Variants in RTEL1 observed in about 807,000 individuals in gnomAD.
The protein encoded by RTEL1 is regulator of telomere elongation helicase 1.
In RTEL1, 86 loss-of-function variants were observed where a neutral mutation model predicts 162.2. That is an observed-to-expected ratio of 0.53 (90% confidence interval 0.45 to 0.63). RTEL1 has a LOEUF of 0.63. RTEL1 is among the 30% of genes least tolerant of loss of function. The pLI is 0.00. For synonymous variants in RTEL1, 958 were observed against 717.9 expected (o/e 1.33, Z -5.35); for missense variants, 1,941 against 1,750.2 (o/e 1.11, Z -1.95).
intron 28 of RTEL1, 69 bp from the exon 29 acceptor site, chr20:63,692,736 A>C: frequency 6.9e-7 from 1 of 1,453,014 alleles, no homozygotes; most frequent in Non-Finnish European, 9.5e-7. Flanking sequence ...GTTCCAAGGA[A>C]GGCTCTGCAG....
intron 22 of RTEL1, 93 bp from the exon 23 acceptor site, chr20:63,689,409 G>C: frequency 7.2e-7 from 1 of 1,397,176 alleles, no homozygotes; most frequent in African/African-American, 1.5e-5. Context: ...CCCTGGTTGG[G>C]GACGGAGCCT....
rs561033103 is a variant in RTEL1 at position 63,678,292 on chromosome 20, C to G, written c.983C>G (p.Ala328Gly). ...LKMILLRLEG[A>G]IDAVELPGDD... ...GTGATCCTGCTGCGCCTGGAGGGGG[C>G]CATCGATGCTGTTGAGCTGCCTGGA... Residue 328 changes from alanine to glycine, a missense_variant, in exon 12 of 35, where the codon GCC (alanine) becomes GGC (glycine). Transcript: ENST00000360203. 18 of 1,612,372 alleles carry G rather than the reference C, an allele frequency of 1.1e-5. No individual in the cohort carries two copies. The African/African-American group carries it at 1.5e-4, about 13-fold the overall frequency.
intron 21 of RTEL1, 41 bp from the exon 22 acceptor site, chr20:63,689,014 G>C (rs374102042): frequency 2.2e-5 from 35 of 1,556,414 alleles, no homozygotes; most frequent in South Asian, 7.8e-5. Context: ...GAAGGGGCTG[G>C]GGGGGGGCTC....
intron 14 of RTEL1, chr20:63,681,029 A>C (rs1678353469): frequency 1.0e-6 from 1 of 985,248 alleles, no homozygotes; most frequent in Admixed American, 6.2e-5. Flanking sequence ...GGGGGGACCC[A>C]CTGCTGGCAG....
At chr20:63,662,052 C>T (rs879384141) in intron 4 of RTEL1, 109 bp downstream of exon 4, 1 of 896,504 alleles carries the variant, frequency 1.1e-6, no homozygotes, top group Non-Finnish European at 1.8e-6. Context: ...GGTGGTCTTT[C>T]TAGACGCTCC....
At chr20:63,693,498 TCCACCACCACCTCCTC>T (rs2090848670) in intron 30 of RTEL1, among the ~76,000 whole-genome samples, 1 of 4,406 alleles carries the variant, frequency 2.3e-4, no homozygotes, top group African/African-American at 1.5e-3. Flanking sequence ...CACCTCCACC[TCCACCACCACCTCCTC>T]CACCACCACC....
At chr20:63,673,204 C>T (rs971124548) in intron 9 of RTEL1, among the ~76,000 whole-genome samples, 1 of 151,828 alleles carries the variant, frequency 6.6e-6, no homozygotes, top group Non-Finnish European at 1.5e-5. Context: ...CCATCCTGGC[C>T]AACATAGTGA....
Position 63,661,618 on chromosome 20 carries a change from T to A in RTEL1, c.301+122T>A. ...CTCTCAAGCAGAACTCAAGGAGAAT[T>A]TTTTAGCTGCTGTATAATTTCTCGC... On this transcript the variant is annotated intron_variant, in intron 3 of 34. Coordinates refer to ENST00000360203, the MANE Select transcript of RTEL1 (RefSeq NM_001283009.2). The surrounding 1 kb of genome is among the most constrained non-coding windows in gnomAD (Gnocchi z 5.1). 9.1e-7 allele frequency: 1 copy of A among 1,094,192 alleles called. No individual in the cohort carries two copies. The allele number at this position is 1,094,192 out of a possible 1,614,324, so 67.8% of individuals were successfully genotyped here.
chr20:63,679,882 C>T lies in RTEL1; in HGVS notation c.1071C>T (p.Ile357=), dbSNP rs2090446936. 3 of 1,611,974 alleles carry T rather than the reference C, an allele frequency of 1.9e-6. No individual in the cohort carries two copies. Among genetic ancestry groups the T allele is most frequent in the South Asian group, 1.1e-5 (1 of 91,022 alleles). Residue 357 remains isoleucine, a synonymous_variant, in exon 13 of 35, where the codon ATC becomes ATT. Transcript: ENST00000360203. ...TTGAGCTGTTTGCTGAAGCCCAGAT[C>T]ACGTTTCAGACCAAGGGCTGCATCC... ...YIFELFAEAQ[I]TFQTKGCILD...
At position 63,692,965 on chromosome 20, in the gene RTEL1, T is replaced by C. The variant is rs1228490813; in HGVS notation, c.2813T>C (p.Leu938Pro). The C allele has an allele frequency of 6.2e-7, 1 of 1,612,496 alleles. No homozygotes were observed. Among genetic ancestry groups the C allele is most frequent in the Non-Finnish European group, 8.5e-7 (1 of 1,179,850 alleles). ...GCCCTGGCCGCCTGTCTCGGCCCCC[T>C]CTTTGCTGAGGACCCCAAGAAGCAC... ...FAALAACLGP[L>P]FAEDPKKHNL... Residue 938 changes from leucine (L) to proline (P), a missense_variant, in exon 29 of 35, where the codon CTC (leucine) becomes CCC (proline). Transcript: ENST00000360203.
intron 8 of RTEL1, 74 bp downstream of exon 8, chr20:63,667,627 GC>G: frequency 1.6e-6 from 2 of 1,220,818 alleles, no homozygotes; most frequent in Non-Finnish European, 2.4e-6. Context: ...AGCTGTCCGA[GC>G]CTTTGCTGCT....
At chr20:63,687,390 C>T in intron 16 of RTEL1, 1 of 515,184 alleles carries the variant, frequency 1.9e-6, no homozygotes, top group South Asian at 2.9e-5. Context: ...GCAGGTGTCC[C>T]CAGCCTCTGC....
At position 63,689,572 on chromosome 20, in the gene RTEL1, C is replaced by G. The variant is rs776264501; in HGVS notation, c.1949C>G (p.Pro650Arg). The G allele has an allele frequency of 8.7e-6, 14 of 1,612,256 alleles. No homozygotes were observed. The highest frequency in any genetic ancestry group is 1.3e-5 in the African/African-American group (1 of 75,050). The change falls in exon 23 of 35, where the codon CCA becomes CGA. Residue 650 changes from proline (P) to arginine (R), a missense_variant. By Grantham distance (103) the Pro-to-Arg change is moderately radical. Coordinates refer to ENST00000360203, the MANE Select transcript of RTEL1 (RefSeq NM_001283009.2). ...GVIVTGLPYP[P>R]RMDPRVVLKM... ...ATTGTCACGGGCCTCCCGTACCCCC[C>G]ACGCATGGACCCCCGGGTTGTCCTC...
rs951272197 is a variant in RTEL1, at chr20:63,668,622, G to A, written c.699+1069G>A. On this transcript the variant is annotated intron_variant, in intron 8 of 34. Transcript: ENST00000360203. This position sits in a 1 kb window ranked among gnomAD's most constrained non-coding sequence, Gnocchi z 4.3. ...GGTGAGTGGGGGCGGCTGGGGGGCCGACTCCTGGGAAGCTGTAGCAGAACC... is the reference window on the plus strand; with the variant it reads ...GGTGAGTGGGGGCGGCTGGGGGGCCAACTCCTGGGAAGCTGTAGCAGAACC... 2.0e-5 allele frequency among the ~76,000 whole-genome samples: 3 copies of A among 152,090 alleles called. No individual in the cohort carries two copies. The highest frequency in any genetic ancestry group is 2.9e-5 in the Non-Finnish European group (2 of 68,014).
intron 12 of RTEL1, among the ~76,000 whole-genome samples, chr20:63,678,598 C>T (rs1264357149): frequency 6.7e-6 from 1 of 150,310 alleles, no homozygotes; most frequent in Non-Finnish European, 1.5e-5. Flanking sequence ...ACAGCACACA[C>T]ACTCCCACGA....
chr20:63,666,908 C>T (rs1164046402), intron 7 of RTEL1, among the ~76,000 whole-genome samples: 7 of 145,444 alleles, frequency 4.8e-5, no homozygotes, highest in African/African-American at 1.3e-4. Flanking sequence ...GGTGCGATCT[C>T]GGCTCACTGC....
rs1174722423 is a variant in RTEL1, at chr20:63,691,831, C to T, written c.2646C>T (p.Ser882=). The part of the protein sequence containing the change: ...RGGRKKIRLV[S]HPEEPVAGAQ... The stretch of plus-strand genomic sequence containing the variant: ...GGAGGAAGAAGATCCGGCTGGTCAG[C>T]CACCCGGTGCGTGAGCTGTCCCTGC... The change falls in exon 28 of 35, where the codon AGC becomes AGT. Residue 882 remains serine (S), a synonymous_variant. Coordinates refer to ENST00000360203, the MANE Select transcript of RTEL1 (RefSeq NM_001283009.2). 2 of 1,610,054 alleles carry T rather than the reference C, an allele frequency of 1.2e-6. No individual in the cohort carries two copies. Among genetic ancestry groups the T allele is most frequent in the Non-Finnish European group, 1.7e-6 (2 of 1,179,430 alleles).
intron 30 of RTEL1, among the ~76,000 whole-genome samples, chr20:63,693,887 G>C (rs2090890898): frequency 6.7e-6 from 1 of 150,000 alleles, no homozygotes; most frequent in African/African-American, 2.5e-5. Flanking sequence ...TGCCTCCCAT[G>C]CATGGTCCTG....
chr20:63,679,216 C>T (rs375820513), intron 12 of RTEL1, among the ~76,000 whole-genome samples: 4 of 152,296 alleles, frequency 2.6e-5, no homozygotes, highest in East Asian at 1.9e-4. Flanking sequence ...CTCTCCTGAG[C>T]GCACAGCCGC....
Sources: allele counts gnomAD v4.1 joint callset (sites outside exome capture counted in the v4.1 genomes callset), GRCh38; gene constraint gnomAD v4.1.1; non-coding constraint Gnocchi (gnomAD v3.1); transcripts MANE v1.5; gene names NCBI Gene and HGNC (gene_info 2026-07-23, HGNC 2026-07-21).